Variants in EXO1 observed in about 807,000 individuals in gnomAD.
EXO1 encodes exonuclease 1.
Under a neutral mutation model 84.5 loss-of-function variants are expected in EXO1, and 69 were observed. The observed-to-expected ratio is 0.82, with a 90% CI of 0.67 to 1.00. EXO1 has a LOEUF of 1.00. Ranked by LOEUF, EXO1 falls within the 50% of genes least tolerant of loss-of-function variation. The probability of loss-of-function intolerance (pLI) is 0.00; values close to 1 mark genes in which losing one functional copy is unlikely to be tolerated. For synonymous variants in EXO1, 373 were observed against 366.1 expected, an observed-to-expected ratio of 1.02 and a Z score of -0.21; for missense variants, 1,045 against 1,000.7, an observed-to-expected ratio of 1.04 and a Z score of -0.60.
rs79036854 is a variant in EXO1 at position 241,853,435 on chromosome 1, C to G, written c.359C>G (p.Thr120Ser). 2 of 1,613,816 alleles carry G rather than the reference C, an allele frequency of 1.2e-6. No individual in the cohort carries two copies. The highest frequency in any genetic ancestry group is 8.5e-7 in the Non-Finnish European group (1 of 1,179,926). ...GKVSEARECF[T>S]RSINITHAMA... ...GTCTCGGAAGCTCGAGAGTGTTTCACCCGGTCTATCAATATCACACATGCC... is the reference window on the plus strand; with the variant it reads ...GTCTCGGAAGCTCGAGAGTGTTTCAGCCGGTCTATCAATATCACACATGCC... The change falls in exon 6 of 16, where the codon ACC (threonine) becomes AGC (serine). Residue 120 changes from threonine to serine, a missense_variant. Physicochemically the swap from Thr to Ser is moderately conservative, Grantham distance 58. Coordinates refer to ENST00000366548, the MANE Select transcript of EXO1 (RefSeq NM_130398.4).
At chr1:241,863,975 A>G (rs561144989) in intron 10 of EXO1, among the ~76,000 whole-genome samples, 1 of 152,042 alleles carries the variant, frequency 6.6e-6, no homozygotes, top group Admixed American at 6.5e-5. Flanking sequence ...CTTTTTTTTG[A>G]AGATTTAGAT....
chr1:241,875,559 A>G (rs1320831981), intron 12 of EXO1, among the ~76,000 whole-genome samples: 1 of 152,218 alleles, frequency 6.6e-6, no homozygotes, highest in East Asian at 1.9e-4. Flanking sequence ...AATTGGCCAC[A>G]AAACTGGAAC....
intron 11 of EXO1, 56 bp downstream of exon 11, chr1:241,867,111 C>G: frequency 7.8e-7 from 1 of 1,285,960 alleles, no homozygotes; most frequent in Non-Finnish European, 1.1e-6. Context: ...TTAAAGAAAT[C>G]ATTGCCCAAC....
intron 14 of EXO1, among the ~76,000 whole-genome samples, chr1:241,884,751 GAC>G (rs1300628625): frequency 1.3e-5 from 2 of 152,172 alleles, no homozygotes; most frequent in Non-Finnish European, 2.9e-5. Flanking sequence ...GGCAGCGAGA[GAC>G]ATTCATTTTG....
At chr1:241,889,008 G>A (rs1663224676) in intron 15 of EXO1, among the ~76,000 whole-genome samples, 1 of 152,104 alleles carries the variant, frequency 6.6e-6, no homozygotes, top group Admixed American at 6.5e-5. Context: ...GGAGGTGGAG[G>A]TTGCAGTGAG....
chr1:241,864,587 C>G (rs2148446939), intron 10 of EXO1, among the ~76,000 whole-genome samples: 1 of 152,324 alleles, frequency 6.6e-6, no homozygotes, highest in East Asian at 1.9e-4. Flanking sequence ...GTCATTCCCC[C>G]ACCAGGGGCT....
chr1:241,862,615 T>G (rs1191357968), intron 10 of EXO1, among the ~76,000 whole-genome samples: 1 of 152,264 alleles, frequency 6.6e-6, no homozygotes, highest in Non-Finnish European at 1.5e-5. Context: ...TCTTTTCTGA[T>G]TCTTTCCAAT....
Position 241,874,662 on chromosome 1 carries a change from G to A in EXO1, c.1514+2384G>A, listed in dbSNP as rs77096529. Among the ~76,000 whole-genome samples the A allele has an allele frequency of 3.5e-3, 533 of 152,344 alleles. 4 individuals carry two copies. Among genetic ancestry groups the A allele is most frequent in the African/African-American group, 0.012 (516 of 41,586 alleles). On this transcript the variant is annotated intron_variant, in intron 12 of 15. Transcript: ENST00000366548. ...TGGAATCTTGTTGTGTTCATTGTGA[G>A]ATGTGTGACTTGACAAGTTAACTTC...
intron 3 of EXO1, among the ~76,000 whole-genome samples, chr1:241,849,426 G>A (rs1660529525): frequency 6.6e-6 from 1 of 152,160 alleles, no homozygotes; most frequent in Non-Finnish European, 1.5e-5. Flanking sequence ...GGCTGCAACC[G>A]GAATGGAAGG....
At chr1:241,883,041 A>T (rs1282970710) in intron 14 of EXO1, among the ~76,000 whole-genome samples, 2 of 152,234 alleles carry the variant, frequency 1.3e-5, no homozygotes, top group Admixed American at 1.3e-4. Flanking sequence ...ACAATAAGGG[A>T]GTGAGTTATT....
At position 241,889,760 on chromosome 1, in the gene EXO1, G is replaced by T. The variant is rs936968977; in HGVS notation, c.*160G>T. 4.2e-5 allele frequency: 29 copies of T among 696,684 alleles called. No individual in the cohort carries two copies. The African/African-American group carries it at 5.1e-4, about 12-fold the overall frequency. The allele number at this position is 696,684 out of a possible 1,614,324, so 43.2% of individuals were successfully genotyped here. A position where few individuals can be genotyped will look rare whatever the true frequency, so the allele number is the denominator to read the frequency against. On this transcript the variant is annotated 3_prime_UTR_variant, in exon 16 of 16. Transcript: ENST00000366548. Reference sequence around the variant, plus strand: ...ATATTAACTTTATAATTGGGTTGTGGTTTTTTTGCTCAGCTTTTTATATTT... The same window carrying T: ...ATATTAACTTTATAATTGGGTTGTGTTTTTTTTGCTCAGCTTTTTATATTT...
intron 4 of EXO1, among the ~76,000 whole-genome samples, chr1:241,851,004 T>G (rs1660640520): frequency 6.6e-6 from 1 of 151,992 alleles, no homozygotes; most frequent in Admixed American, 6.6e-5. Flanking sequence ...CCGGCTAATT[T>G]TTGTATATTT....
chr1:241,867,118 C>A, intron 11 of EXO1, 63 bp downstream of exon 11: 1 of 1,236,294 alleles, frequency 8.1e-7, no homozygotes, highest in Non-Finnish European at 1.2e-6. Flanking sequence ...AATCATTGCC[C>A]AACGCAAAGT....
At chr1:241,871,927 TTTAAAGTCCTTA>T in intron 11 of EXO1, 93 bp from the exon 12 acceptor site, 1 of 778,158 alleles carries the variant, frequency 1.3e-6, no homozygotes, top group African/African-American at 1.8e-5. Context: ...TTTTTTTTTT[TTTAAAGTCCTTA>T]TTTTTAGGAC....
chr1:241,883,438 G>T (rs944009278), intron 14 of EXO1, among the ~76,000 whole-genome samples: 1 of 152,058 alleles, frequency 6.6e-6, no homozygotes, highest in African/African-American at 2.4e-5. Flanking sequence ...TATCTCTTTT[G>T]TACCTCTTCT....
chr1:241,876,619 A>C (rs532850835), intron 12 of EXO1, among the ~76,000 whole-genome samples: 1 of 152,222 alleles, frequency 6.6e-6, no homozygotes, highest in East Asian at 1.9e-4. Context: ...GATATTATTA[A>C]ATTAGTTTTC....
chr1:241,880,993 G>A (rs1236941514), intron 13 of EXO1, among the ~76,000 whole-genome samples: 1 of 151,966 alleles, frequency 6.6e-6, no homozygotes, highest in African/African-American at 2.4e-5. Flanking sequence ...AGTTAATGGA[G>A]TGCTTTTCAC....
chr1:241,859,126 T>C (rs964300119), intron 8 of EXO1, among the ~76,000 whole-genome samples: 1 of 152,224 alleles, frequency 6.6e-6, no homozygotes, highest in African/African-American at 2.4e-5. Flanking sequence ...GCTATTGATA[T>C]TTACTGAATT....
At chr1:241,873,365 G>A (rs1186513868) in intron 12 of EXO1, among the ~76,000 whole-genome samples, 2 of 152,114 alleles carry the variant, frequency 1.3e-5, no homozygotes, top group Non-Finnish European at 2.9e-5. Flanking sequence ...TCTTAGTTCT[G>A]ACATAAACCC....
Sources: gnomAD v4.1 joint callset for allele counts (sites outside exome capture counted in the v4.1 genomes callset) on GRCh38, gnomAD v4.1.1 for gene constraint, MANE v1.5 for transcripts, NCBI Gene and HGNC (gene_info 2026-07-23, HGNC 2026-07-21) for gene names.